Variants in ZNF503 observed in about 807,000 individuals in gnomAD.
ZNF503 encodes the protein zinc finger protein 503.
ZNF503 carries 15 observed loss-of-function variants against 34.4 expected under a neutral mutation model. That is an observed-to-expected ratio of 0.44 (90% confidence interval 0.29 to 0.67). The LOEUF is 0.67. Among genes scored for constraint, ZNF503 ranks in the 30% least tolerant of loss-of-function variants. The pLI is 0.13. For synonymous variants in ZNF503, 580 were observed against 456.8 expected, an observed-to-expected ratio of 1.27 and a Z score of -3.44; for missense variants, 1,007 against 926.8, an observed-to-expected ratio of 1.09 and a Z score of -1.12.
chr10:75,349,764 A>T, the ZNF503 span, among the ~76,000 whole-genome samples: 1 of 152,252 alleles, frequency 6.6e-6, no homozygotes, highest in East Asian at 1.9e-4. Flanking sequence ...TTCTCTGCAG[A>T]GTGCCAAGCT....
At chr10:75,375,027 T>G in the ZNF503 span, among the ~76,000 whole-genome samples, 6 of 152,298 alleles carry the variant, frequency 3.9e-5, no homozygotes, top group South Asian at 6.2e-4. Flanking sequence ...GGTGGCCAGA[T>G]TGGTCCCTGG....
the ZNF503 span, among the ~76,000 whole-genome samples, chr10:75,327,750 A>C: frequency 6.6e-6 from 1 of 152,096 alleles, no homozygotes; most frequent in Non-Finnish European, 1.5e-5. Context: ...CTGCATCTTC[A>C]CCAGCATTTT....
the ZNF503 span, among the ~76,000 whole-genome samples, chr10:75,294,837 T>C: frequency 2.3e-4 from 35 of 151,892 alleles, no homozygotes; most frequent in Admixed American, 9.2e-4. Context: ...AGGGGCCGCC[T>C]GTCAGGGTTC....
At position 75,401,299 on chromosome 10, in the gene ZNF503, A is replaced by G. The variant is rs1462940872; in HGVS notation, c.121T>C (p.Ser41Pro). 1.9e-6 allele frequency: 3 copies of G among 1,559,584 alleles called. No individual in the cohort carries two copies. The South Asian group carries it at 3.5e-5, about 18-fold the overall frequency. ...GGGGACGAGCCTGGGCCGGGGCCGG[A>G]GCTATTTCCAGAGAGCGCGCTGGTC... ...AWTSALSGNS[S>P]GPGPGSSPAG... The change falls in exon 1 of 2, where the codon TCC (serine) becomes CCC (proline). Residue 41 changes from serine to proline, a missense_variant. By Grantham distance (74) the Ser-to-Pro change is moderately conservative. Transcript: ENST00000372524.
downstream of ZNF503, among the ~76,000 whole-genome samples, chr10:75,394,765 A>C (rs1564757858): frequency 6.6e-6 from 1 of 152,166 alleles, no homozygotes; most frequent in Non-Finnish European, 1.5e-5. Flanking sequence ...GAAACAAGTG[A>C]GTGCGTGTGT....
In ZNF503 at chr10:75,401,335, C is replaced by G; in HGVS notation, c.85G>C (p.Asp29His). 1 of 1,539,878 alleles carries G rather than the reference C, an allele frequency of 6.5e-7. No homozygotes were observed. The highest frequency in any genetic ancestry group is 8.7e-7 in the Non-Finnish European group (1 of 1,147,638). Reference sequence around the variant, plus strand: ...GAGAGCGCGCTGGTCCAGGCAGGGTCTGCACCGCCGCCTCCGCCTCCGCCG... The same window carrying G: ...GAGAGCGCGCTGGTCCAGGCAGGGTGTGCACCGCCGCCTCCGCCTCCGCCG... ...GGGGGGGGGA[D>H]PAWTSALSGN... The change falls in exon 1 of 2, where the codon GAC (aspartate) becomes CAC (histidine). Residue 29 changes from aspartate (D) to histidine (H), a missense_variant. Physicochemically the swap from Asp to His is moderately conservative, Grantham distance 81. Transcript: ENST00000372524.
At chr10:75,290,255 T>C in the ZNF503 span, among the ~76,000 whole-genome samples, 1 of 152,362 alleles carries the variant, frequency 6.6e-6, no homozygotes, top group East Asian at 1.9e-4. Context: ...ACAAGTGGGT[T>C]ACTGCCATAT....
the ZNF503 span, among the ~76,000 whole-genome samples, chr10:75,306,861 G>A: frequency 1.3e-5 from 2 of 152,146 alleles, no homozygotes; most frequent in South Asian, 4.1e-4. Flanking sequence ...TTGTAAGATG[G>A]TGAACTTAAC....
At chr10:75,289,269 G>A in the ZNF503 span, among the ~76,000 whole-genome samples, 1 of 152,172 alleles carries the variant, frequency 6.6e-6, no homozygotes, top group African/African-American at 2.4e-5. Context: ...GCATAATAGA[G>A]GGTGATAACT....
the ZNF503 span, among the ~76,000 whole-genome samples, chr10:75,355,676 C>T: frequency 6.6e-6 from 1 of 152,164 alleles, no homozygotes; most frequent in Non-Finnish European, 1.5e-5. Context: ...CTGAACCTGG[C>T]ATTGAAAGGT....
the ZNF503 span, among the ~76,000 whole-genome samples, chr10:75,325,735 T>G: frequency 6.6e-6 from 1 of 152,188 alleles, no homozygotes; most frequent in Non-Finnish European, 1.5e-5. Context: ...TTTGATTCTT[T>G]TAATCCATAA....
rs1296184172 is a variant in ZNF503, at chr10:75,399,219, T to G, written c.1471A>C (p.Thr491Pro). 1.3e-6 allele frequency: 2 copies of G among 1,593,406 alleles called. No individual in the cohort carries two copies. Among genetic ancestry groups the G allele is most frequent in the Admixed American group, 3.4e-5 (2 of 58,652 alleles). ...GGGTGGCCGGCCAGGGAGGGCGGTGTGGCGCCAGCAGCCGCGGCGGCCGTT... is the reference window on the plus strand; with the variant it reads ...GGGTGGCCGGCCAGGGAGGGCGGTGGGGCGCCAGCAGCCGCGGCGGCCGTT... ...SLTAAAAAGA[T>P]PPSLAGHPLY... is the part of the protein sequence containing the mutation. Residue 491 changes from threonine (T) to proline (P), a missense_variant, in exon 2 of 2, where the codon ACA (threonine) becomes CCA (proline). By Grantham distance (38) the Thr-to-Pro change is conservative (BLOSUM62 -1). Coordinates refer to ENST00000372524, the MANE Select transcript of ZNF503 (RefSeq NM_032772.6).
chr10:75,323,029 C>A, the ZNF503 span, among the ~76,000 whole-genome samples: 5 of 152,152 alleles, frequency 3.3e-5, no homozygotes, highest in African/African-American at 1.2e-4. Context: ...TGACTTAGAA[C>A]AATCCATTAC....
At chr10:75,370,778 C>CAAAAAAAAAAA in the ZNF503 span, among the ~76,000 whole-genome samples, 19 of 67,972 alleles carry the variant, frequency 2.8e-4, no homozygotes, top group East Asian at 1.0e-3. Context: ...GGCTCCATCT[C>CAAAAAAAAAAA]AAAAAAAAAA....
rs1490026039 is a variant in ZNF503 at position 75,401,673 on chromosome 10, G to GCCT, written c.-257_-255dup. 1 of 485,478 alleles carries GCCT rather than the reference G, an allele frequency of 2.1e-6. No homozygotes were observed. Among genetic ancestry groups the GCCT allele is most frequent in the Non-Finnish European group, 3.6e-6 (1 of 280,080 alleles). The allele number at this position is 485,478 out of a possible 1,614,324, so 30.1% of individuals were successfully genotyped here. On this transcript the variant is annotated 5_prime_UTR_variant, in exon 1 of 2. Coordinates refer to ENST00000372524, the MANE Select transcript of ZNF503 (RefSeq NM_032772.6). ...GAGTGCCGGGCGGCTCGCGGTGTCCGCCTCGGGCTGCTCCCCTGCGCTGCG... is the reference window on the plus strand; with the variant it reads ...GAGTGCCGGGCGGCTCGCGGTGTCCGCCTCCTCGGGCTGCTCCCCTGCGCTGCG...
chr10:75,306,672 C>T, the ZNF503 span, among the ~76,000 whole-genome samples: 10 of 152,178 alleles, frequency 6.6e-5, no homozygotes, highest in Non-Finnish European at 1.2e-4. Context: ...GCAAGCCTAT[C>T]AGAACCATGT....
In ZNF503 at chr10:75,399,307, CGCCGCA is replaced by C. The variant is rs755354647; in HGVS notation, c.1377_1382del (p.Ala460_Ala461del). The C allele has an allele frequency of 2.5e-6, 4 of 1,601,306 alleles. No individual in the cohort carries two copies. The African/African-American group carries it at 5.4e-5, about 21-fold the overall frequency. ...ACACCAGCGGGTATCCGGACTTCAG[CGCCGCA>C]GCCGCAGCAGCCGGATCATGTGCGC... On this transcript the variant is annotated inframe_deletion, in exon 2 of 2. Transcript: ENST00000372524.
chr10:75,355,276 C>A, the ZNF503 span, among the ~76,000 whole-genome samples: 1 of 152,210 alleles, frequency 6.6e-6, no homozygotes, highest in African/African-American at 2.4e-5. Flanking sequence ...TCAGAGGCGA[C>A]AACCTACAGC....
downstream of ZNF503, among the ~76,000 whole-genome samples, chr10:75,394,383 T>C (rs917708827): frequency 5.9e-5 from 9 of 152,206 alleles, no homozygotes; most frequent in African/African-American, 2.2e-4. Context: ...GGTTTTCCAG[T>C]CACTCTAAGC....
Sources: gnomAD v4.1 joint callset for allele counts (sites outside exome capture counted in the v4.1 genomes callset) on GRCh38, gnomAD v4.1.1 for gene constraint, MANE v1.5 for transcripts, NCBI Gene and HGNC (gene_info 2026-07-23, HGNC 2026-07-21) for gene names.